The following DNAI7 variants were observed in gnomAD, a reference collection of about 807,000 sequenced individuals.
DNAI7 encodes cancer susceptibility 1.
In DNAI7, 78 loss-of-function variants were observed where a neutral mutation model predicts 86.6. The observed-to-expected ratio is 0.90, with a 90% CI of 0.75 to 1.09. DNAI7 has a LOEUF of 1.09. Ranked by LOEUF, DNAI7 falls within the 50% of genes least tolerant of loss-of-function variation. The pLI is 0.00. For synonymous variants in DNAI7, 274 were observed against 273.0 expected (o/e 1.00, Z -0.04); for missense variants, 753 against 810.2 (o/e 0.93, Z 0.86).
chr12:25,138,380 T>C (rs924353452), intron 9 of DNAI7, among the ~76,000 whole-genome samples: 5 of 152,170 alleles, frequency 3.3e-5, no homozygotes, highest in African/African-American at 1.2e-4. Context: ...GGAGAATCAC[T>C]GGAACCCAGG....
At chr12:25,121,634 T>C (rs1399421574) in intron 11 of DNAI7, 119 bp downstream of exon 11, 4 of 772,794 alleles carry the variant, frequency 5.2e-6, no homozygotes, top group Non-Finnish European at 8.0e-6. Context: ...AGTTTAAAAT[T>C]ACATTTTTTC....
intron 2 of DNAI7, among the ~76,000 whole-genome samples, chr12:25,181,164 G>A (rs1949468806): frequency 2.0e-5 from 3 of 152,082 alleles, no homozygotes; most frequent in Non-Finnish European, 4.4e-5. Context: ...GAATGGGAGT[G>A]CAGTGGTGCA....
At chr12:25,134,349 G>T (rs1049316448) in intron 9 of DNAI7, among the ~76,000 whole-genome samples, 7 of 88,558 alleles carry the variant, frequency 7.9e-5, no homozygotes, top group Admixed American at 1.5e-4. Context: ...TTTCCTTGGC[G>T]TACTTTTTTT....
chr12:25,109,138 A>G (rs1949553439), intron 15 of DNAI7, among the ~76,000 whole-genome samples: 1 of 152,226 alleles, frequency 6.6e-6, no homozygotes, highest in South Asian at 2.1e-4. Flanking sequence ...CATACAACAT[A>G]TATAAATAAC....
intron 11 of DNAI7, 111 bp from the exon 12 acceptor site, chr12:25,119,412 C>A: frequency 3.3e-6 from 2 of 599,086 alleles, no homozygotes; most frequent in Non-Finnish European, 5.6e-6. Context: ...GCAGTTTGAT[C>A]CTATTTATAT....
rs892117804 is a variant in DNAI7, at chr12:25,144,951, T to C, written c.690-274A>G. Among the ~76,000 whole-genome samples, 10 of 152,306 alleles carry C rather than the reference T, an allele frequency of 6.6e-5. No homozygotes were observed. The East Asian group carries it at 1.2e-3, about 18-fold the overall frequency. ...CTTCTTCCTAACCATCCCTTCAATG[T>C]TGATATTACTCAGTGCTCCATCCTA... is the stretch of plus-strand genomic sequence containing the variant. On this transcript the variant is annotated intron_variant, in intron 8 of 15. Transcript: ENST00000395987.
At chr12:25,154,245 T>C (rs1490359332) in intron 6 of DNAI7, 74 bp downstream of exon 6, 2 of 1,221,662 alleles carry the variant, frequency 1.6e-6, no homozygotes, top group African/African-American at 1.6e-5. Context: ...GCAAATGATA[T>C]ATTAATTTTT....
intron 2 of DNAI7, among the ~76,000 whole-genome samples, chr12:25,164,027 A>C (rs911520491): frequency 5.9e-5 from 9 of 152,200 alleles, no homozygotes; most frequent in South Asian, 2.1e-4. Context: ...CATGTTTCAG[A>C]GGTGTCTGAC....
intron 1 of DNAI7, among the ~76,000 whole-genome samples, chr12:25,192,408 A>T (rs1950607485): frequency 6.6e-6 from 1 of 152,210 alleles, no homozygotes; most frequent in Admixed American, 6.5e-5. Context: ...CAAAGTTCAG[A>T]GGGCATAAGA....
intron 8 of DNAI7, among the ~76,000 whole-genome samples, chr12:25,146,040 T>C (rs1944788619): frequency 6.6e-6 from 1 of 151,340 alleles, no homozygotes; most frequent in Non-Finnish European, 1.5e-5. Context: ...CTGACTAACA[T>C]GGAGAAACCA....
At chr12:25,121,048 T>C (rs1276415824) in intron 11 of DNAI7, among the ~76,000 whole-genome samples, 1 of 152,214 alleles carries the variant, frequency 6.6e-6, no homozygotes, top group Non-Finnish European at 1.5e-5. Context: ...ATATTTTGTA[T>C]GTCAAGGATT....
Position 25,132,915 on chromosome 12 carries a change from AT to A in DNAI7, c.1003-9630del, listed in dbSNP as rs1436998035. On this transcript the variant is annotated intron_variant, in intron 9 of 15. Transcript: ENST00000395987. Reference sequence around the variant, plus strand: ...ATAACCCCTTGTCATGTACGTTGAAATATTTTTCTTAGTCTGTTATTTGCCT... The same window carrying A: ...ATAACCCCTTGTCATGTACGTTGAAAATTTTTCTTAGTCTGTTATTTGCCT... Among the ~76,000 whole-genome samples the A allele has an allele frequency of 3.6e-5, 5 of 140,762 alleles. No homozygotes were observed. In the South Asian group the frequency reaches 6.2e-4, roughly 18 times the overall value. The allele number at this position is 140,762 out of a possible 152,430, so 92.3% of individuals were successfully genotyped here.
intron 2 of DNAI7, among the ~76,000 whole-genome samples, chr12:25,170,201 A>C (rs1468870224): frequency 6.6e-6 from 1 of 151,448 alleles, no homozygotes; most frequent in Non-Finnish European, 1.5e-5. Flanking sequence ...GACCAGCCTG[A>C]CCAACATGGT....
intron 1 of DNAI7, among the ~76,000 whole-genome samples, chr12:25,194,451 TTTTA>T (rs1950849353): frequency 6.6e-6 from 1 of 152,288 alleles, no homozygotes; most frequent in African/African-American, 2.4e-5. Flanking sequence ...CTTCCTCTGG[TTTTA>T]ATTATAGAAA....
intron 8 of DNAI7, 108 bp downstream of exon 8, chr12:25,146,893 T>A: frequency 1.6e-6 from 1 of 628,368 alleles, no homozygotes; most frequent in Non-Finnish European, 2.8e-6. Flanking sequence ...TGAAATGGGC[T>A]TTTCCAAACA....
chr12:25,153,993 C>T (rs1274954176), intron 6 of DNAI7, among the ~76,000 whole-genome samples: 1 of 152,094 alleles, frequency 6.6e-6, no homozygotes, highest in Non-Finnish European at 1.5e-5. Flanking sequence ...AATTACTGAA[C>T]AGTGGATATT....
intron 2 of DNAI7, 45 bp from the exon 3 acceptor site, chr12:25,161,242 T>G: frequency 6.6e-7 from 1 of 1,511,632 alleles, no homozygotes; most frequent in Non-Finnish European, 9.2e-7. Context: ...ACATGCAAGT[T>G]ACTTGAAAAA....
intron 13 of DNAI7, among the ~76,000 whole-genome samples, chr12:25,112,957 T>C (rs1236428425): frequency 6.6e-6 from 1 of 152,180 alleles, no homozygotes; most frequent in Non-Finnish European, 1.5e-5. Context: ...AAACGCACAC[T>C]GAACAGTCTT....
At chr12:25,110,331 G>C (rs1396263976) in intron 14 of DNAI7, 91 bp from the exon 15 acceptor site, 1 of 712,314 alleles carries the variant, frequency 1.4e-6, no homozygotes, top group African/African-American at 1.8e-5. Context: ...TTTCAACACA[G>C]ACGGATCCAC....
Sources: gnomAD v4.1 joint callset for allele counts (sites outside exome capture counted in the v4.1 genomes callset) on GRCh38, gnomAD v4.1.1 for gene constraint, MANE v1.5 for transcripts, NCBI Gene and HGNC (gene_info 2026-07-23, HGNC 2026-07-21) for gene names.